UPK3A: variants seen among roughly 807,000 people sequenced by gnomAD.
UPK3A encodes uroplakin-3a.
A neutral mutation model predicts 27.6 loss-of-function variants in UPK3A; 32 were observed. The observed-to-expected ratio is 1.16, with a 90% CI of 0.87 to 1.55. The LOEUF is 1.55. UPK3A is among the 40% of genes most tolerant of loss of function. The probability of loss-of-function intolerance (pLI) is 0.00; values close to 1 mark genes in which losing one functional copy is unlikely to be tolerated. For missense variants in UPK3A, 370 were observed against 367.9 expected (o/e 1.01, Z -0.05); for synonymous variants, 171 against 163.9 (o/e 1.04, Z -0.33).
At chr22:45,289,304 T>G (rs73169217) in intron 4 of UPK3A, among the ~76,000 whole-genome samples, 161 bp downstream of exon 4, 27,602 of 152,044 alleles carry the variant, frequency 0.18, 2,538 homozygotes, top group East Asian at 0.23. Flanking sequence ...AGGCCAGGTG[T>G]GGTGGCTCAC....
rs760294097 is a variant in UPK3A, at chr22:45,293,762, C to T, written c.704+449C>T. 5.3e-5 allele frequency among the ~76,000 whole-genome samples: 8 copies of T among 152,156 alleles called. No individual in the cohort carries two copies. In the East Asian group the frequency reaches 9.6e-4, roughly 18 times the overall value. Reference sequence around the variant, plus strand: ...TGGGAACTCAACAAGCATTTGCTTTCGTTGTCATTATAATACACCTACTTG... The same window carrying T: ...TGGGAACTCAACAAGCATTTGCTTTTGTTGTCATTATAATACACCTACTTG... On this transcript the variant is annotated intron_variant, in intron 5 of 5. Coordinates refer to ENST00000216211, the MANE Select transcript of UPK3A (RefSeq NM_006953.4).
At position 45,293,683 on chromosome 22, in the gene UPK3A, C is replaced by T. The variant is rs144540372; in HGVS notation, c.704+370C>T. ...GAAATAATAAATATTAGTCATCTCACGGAGTTGTGAAGGTTAAGTGGAATA... is the reference window on the plus strand; with the variant it reads ...GAAATAATAAATATTAGTCATCTCATGGAGTTGTGAAGGTTAAGTGGAATA... On this transcript the variant is annotated intron_variant, in intron 5 of 5. Transcript: ENST00000216211. 6.4e-3 allele frequency among the ~76,000 whole-genome samples: 978 copies of T among 152,222 alleles called. 9 individuals carry two copies. Among genetic ancestry groups the T allele is most frequent in the African/African-American group, 0.021 (868 of 41,518 alleles).
chr22:45,291,355 G>A (rs1380267140), intron 4 of UPK3A, among the ~76,000 whole-genome samples: 13 of 150,656 alleles, frequency 8.6e-5, no homozygotes, highest in African/African-American at 2.9e-4. Flanking sequence ...TATGTCTGGT[G>A]TGTGTGAGAG....
intron 4 of UPK3A, among the ~76,000 whole-genome samples, chr22:45,292,238 C>T (rs2084166855): frequency 6.6e-6 from 1 of 152,156 alleles, no homozygotes; most frequent in African/African-American, 2.4e-5. Context: ...AGCACAAGGC[C>T]CAGTTTTTTT....
At chr22:45,293,398 C>G (rs368257166) in intron 5 of UPK3A, 85 bp downstream of exon 5, 61 of 1,567,990 alleles carry the variant, frequency 3.9e-5, no homozygotes, top group Middle Eastern at 1.7e-4. Context: ...TGGGGTCCTC[C>G]GAGGCAGGGG....
At position 45,295,795 on chromosome 22, in the gene UPK3A, C is replaced by A. The variant is rs1026760997; in HGVS notation, c.*76C>A. On this transcript the variant is annotated 3_prime_UTR_variant, in exon 6 of 6. Transcript: ENST00000216211. ...GGCCCTGCAGCGGTGGTTGTCACAC[C>A]CTGACTTCAGGGAAGGTGAAACAGG... 18 of 1,574,374 alleles carry A rather than the reference C, an allele frequency of 1.1e-5. No homozygotes were observed. Among genetic ancestry groups the A allele is most frequent in the Non-Finnish European group, 1.6e-5 (18 of 1,152,858 alleles).
intron 2 of UPK3A, among the ~76,000 whole-genome samples, chr22:45,286,827 T>A (rs2084121356): frequency 6.6e-6 from 1 of 152,168 alleles, no homozygotes; most frequent in Non-Finnish European, 1.5e-5. Flanking sequence ...GGGTCCTGCC[T>A]CCACGTTATT....
intron 1 of UPK3A, among the ~76,000 whole-genome samples, chr22:45,285,500 G>C (rs180778187): frequency 1.4e-3 from 209 of 152,286 alleles, no homozygotes; most frequent in African/African-American, 3.4e-3. Context: ...GCTGGAGACC[G>C]AACAAAGCAA....
At chr22:45,288,885 A>C (rs949627587) in intron 3 of UPK3A, among the ~76,000 whole-genome samples, 176 bp from the exon 4 acceptor site, 4 of 152,094 alleles carry the variant, frequency 2.6e-5, no homozygotes, top group Admixed American at 2.6e-4. Context: ...CTATTGGCCA[A>C]GCTCAGCACT....
intron 5 of UPK3A, among the ~76,000 whole-genome samples, chr22:45,294,348 G>A (rs1380440286): frequency 6.6e-6 from 1 of 151,848 alleles, no homozygotes; most frequent in Non-Finnish European, 1.5e-5. Flanking sequence ...GAGAACTTGT[G>A]AATCAGGTTG....
intron 3 of UPK3A, among the ~76,000 whole-genome samples, chr22:45,288,748 G>C (rs2147794606): frequency 6.6e-6 from 1 of 152,340 alleles, no homozygotes; most frequent in East Asian, 1.9e-4. Context: ...TGCCACGTGT[G>C]TTACATGGAG....
chr22:45,285,917 T>G, intron 1 of UPK3A, 24 bp from the exon 2 acceptor site: 1 of 1,613,288 alleles, frequency 6.2e-7, no homozygotes, highest in South Asian at 1.1e-5. Context: ...GGAGGTCAGT[T>G]CCCATCCTCA....
chr22:45,295,796 C>A lies in UPK3A; in HGVS notation c.*77C>A. ...GCCCTGCAGCGGTGGTTGTCACACC[C>A]TGACTTCAGGGAAGGTGAAACAGGG... On this transcript the variant is annotated 3_prime_UTR_variant, in exon 6 of 6. Coordinates refer to ENST00000216211, the MANE Select transcript of UPK3A (RefSeq NM_006953.4). 1 of 1,569,770 alleles carries A rather than the reference C, an allele frequency of 6.4e-7. No homozygotes were observed. The highest frequency in any genetic ancestry group is 8.7e-7 in the Non-Finnish European group (1 of 1,148,888).
In UPK3A at chr22:45,295,795, C is replaced by G. The variant is rs1026760997; in HGVS notation, c.*76C>G. 8 of 1,574,374 alleles carry G rather than the reference C, an allele frequency of 5.1e-6. No individual in the cohort carries two copies. The South Asian group carries it at 6.7e-5, about 13-fold the overall frequency. The stretch of plus-strand genomic sequence containing the variant: ...GGCCCTGCAGCGGTGGTTGTCACAC[C>G]CTGACTTCAGGGAAGGTGAAACAGG... On this transcript the variant is annotated 3_prime_UTR_variant, in exon 6 of 6. Transcript: ENST00000216211.
chr22:45,291,781 TGA>T (rs1048268374), intron 4 of UPK3A, among the ~76,000 whole-genome samples: 29 of 150,066 alleles, frequency 1.9e-4, no homozygotes, highest in African/African-American at 6.4e-4. Flanking sequence ...GTGTGGTGTG[TGA>T]GAGTGTGGCA....
Position 45,287,381 on chromosome 22 carries a change from G to T in UPK3A, c.418G>T (p.Gly140Trp). ...NAYLVRVGAN[G>W]TCLWDPNFQG... ...CTACCTGGTCAGGGTGGGTGCCAAC[G>T]GGACCTGCCTGTGGGATCCCAACTT... The change falls in exon 3 of 6, where the codon GGG becomes TGG. Residue 140 changes from glycine to tryptophan, a missense_variant. Physicochemically the swap from Gly to Trp is radical, Grantham distance 184. Transcript: ENST00000216211. The T allele has an allele frequency of 1.2e-6, 2 of 1,613,078 alleles. No individual in the cohort carries two copies. The highest frequency in any genetic ancestry group is 1.7e-6 in the Non-Finnish European group (2 of 1,179,586).
At chr22:45,286,164 G>A in intron 2 of UPK3A, 68 bp downstream of exon 2, 1 of 1,589,000 alleles carries the variant, frequency 6.3e-7, no homozygotes, top group Non-Finnish European at 8.6e-7. Flanking sequence ...AGGAGGGAAG[G>A]AGGCAGATAG....
chr22:45,292,504 G>T (rs1265137320), intron 4 of UPK3A, among the ~76,000 whole-genome samples: 1 of 152,166 alleles, frequency 6.6e-6, no homozygotes, highest in Non-Finnish European at 1.5e-5. Flanking sequence ...GACAGCCACC[G>T]TCCACCTGGC....
At chr22:45,286,627 G>A (rs997329821) in intron 2 of UPK3A, among the ~76,000 whole-genome samples, 1 of 152,184 alleles carries the variant, frequency 6.6e-6, no homozygotes, top group Admixed American at 6.5e-5. Flanking sequence ...TGCATTTCTA[G>A]CAGCCAGTCA....
Sources: allele counts gnomAD v4.1 joint callset (sites outside exome capture counted in the v4.1 genomes callset), GRCh38; gene constraint gnomAD v4.1.1; transcripts MANE v1.5; gene names NCBI Gene and HGNC (gene_info 2026-07-23, HGNC 2026-07-21).